TCF20: variants seen among roughly 807,000 people sequenced by gnomAD.
TCF20 encodes SPRE-binding protein.
A neutral mutation model predicts 148.6 loss-of-function variants in TCF20; 3 were observed. That is an observed-to-expected ratio of 0.02 (90% CI 0.01 to 0.05). TCF20 has a LOEUF of 0.05. Among genes scored for constraint, TCF20 ranks in the 10% least tolerant of loss-of-function variants. The pLI, the probability that TCF20 is intolerant of heterozygous loss-of-function variation, is 1.00. For missense variants in TCF20, 2,350 were observed against 2,429.3 expected (o/e 0.97, Z 0.69); for synonymous variants, 1,049 against 909.5 (o/e 1.15, Z -2.76).
intron 1 of TCF20, among the ~76,000 whole-genome samples, chr22:42,224,224 C>A (rs1463123030): frequency 6.6e-6 from 1 of 152,064 alleles, no homozygotes; most frequent in East Asian, 1.9e-4. Flanking sequence ...GTAATACCAG[C>A]ACTTTGGGAG....
chr22:42,230,249 A>G (rs1923278157), intron 1 of TCF20, among the ~76,000 whole-genome samples: 1 of 152,238 alleles, frequency 6.6e-6, no homozygotes, highest in Non-Finnish European at 1.5e-5. Flanking sequence ...GTCCCATCAG[A>G]GTACAATGGA....
intron 1 of TCF20, among the ~76,000 whole-genome samples, chr22:42,240,830 T>C (rs939928110): frequency 4.6e-5 from 7 of 152,044 alleles, no homozygotes; most frequent in Middle Eastern, 3.4e-3. Context: ...ACCATCTGGA[T>C]AGTCCATAAA....
chr22:42,204,643 G>C (rs926023594), intron 2 of TCF20, among the ~76,000 whole-genome samples: 1 of 152,116 alleles, frequency 6.6e-6, no homozygotes, highest in Admixed American at 6.5e-5. Flanking sequence ...TCAGGAGTTT[G>C]AGATCAGCCT....
At chr22:42,261,664 G>A (rs1265792546) in intron 1 of TCF20, among the ~76,000 whole-genome samples, 1 of 152,046 alleles carries the variant, frequency 6.6e-6, no homozygotes, top group Non-Finnish European at 1.5e-5. Context: ...ATGAGAAAAA[G>A]GCTAGGCTTG....
rs528664836 is a variant in TCF20, at chr22:42,219,355, CAAAAAAAAA to C, written c.-36-4023_-36-4015del. ...ACCCTGGGTGACAGTAACCCTGTCTCAAAAAAAAAAAAAAAAAAAAAAAAAAGCTAATAG... is the reference window on the plus strand; with the variant it reads ...ACCCTGGGTGACAGTAACCCTGTCTCAAAAAAAAAAAAAAAAAGCTAATAG... On this transcript the variant is annotated intron_variant, in intron 1 of 5. Transcript: ENST00000677622. Among the ~76,000 whole-genome samples the C allele has an allele frequency of 5.7e-3, 249 of 43,542 alleles. 7 individuals are homozygous for C. The South Asian group carries it at 0.091, about 16-fold the overall frequency. The allele number at this position is 43,542 out of a possible 152,430, so 28.6% of individuals were successfully genotyped here.
intron 1 of TCF20, among the ~76,000 whole-genome samples, chr22:42,283,436 C>T (rs539978770): frequency 3.3e-5 from 5 of 151,910 alleles, no homozygotes; most frequent in African/African-American, 1.2e-4. Flanking sequence ...GGGGCGGGCA[C>T]TCGGCCCCTG....
intron 1 of TCF20, among the ~76,000 whole-genome samples, chr22:42,243,292 CAAAAAA>C (rs3045578): frequency 1.5e-3 from 58 of 39,490 alleles, no homozygotes; most frequent in Admixed American, 4.9e-3. Context: ...GACACTGTCT[CAAAAAA>C]AAAAAAAAAA....
chr22:42,241,194 C>T (rs1924370093), intron 1 of TCF20, among the ~76,000 whole-genome samples: 1 of 152,138 alleles, frequency 6.6e-6, no homozygotes, highest in Non-Finnish European at 1.5e-5. Flanking sequence ...TTGGCTAGTG[C>T]CGTCAGTCAC....
intron 2 of TCF20, among the ~76,000 whole-genome samples, chr22:42,193,798 T>C (rs555087814): frequency 3.9e-5 from 6 of 152,270 alleles, no homozygotes; most frequent in African/African-American, 1.4e-4. Flanking sequence ...AAGGATAAAA[T>C]ATGACCTAAA....
In TCF20 at chr22:42,189,207, A is replaced by G. The variant is rs144898656; in HGVS notation, c.5656-9505T>C. The stretch of plus-strand genomic sequence containing the variant: ...GAAATGCATACAAGAGGCAGCATAG[A>G]CTTCGAAGGTAAAACCGACAGGACT... On this transcript the variant is annotated intron_variant, in intron 2 of 5. Transcript: ENST00000677622. Among the ~76,000 whole-genome samples the G allele has an allele frequency of 2.2e-3, 336 of 152,272 alleles. 1 individual carries two copies. Among genetic ancestry groups the G allele is most frequent in the African/African-American group, 7.2e-3 (299 of 41,558 alleles).
chr22:42,270,313 G>A (rs550113057), intron 1 of TCF20, among the ~76,000 whole-genome samples, 26 bp downstream of exon 1: 2 of 152,008 alleles, frequency 1.3e-5, no homozygotes, highest in Non-Finnish European at 2.9e-5. Context: ...CCCTCTCCCT[G>A]CCCCTCAGGC....
At position 42,250,773 on chromosome 22, in the gene TCF20, G is replaced by A. The variant is rs566069968; in HGVS notation, c.-37+19566C>T. On this transcript the variant is annotated intron_variant, in intron 1 of 5. Coordinates refer to ENST00000677622, the MANE Select transcript of TCF20 (RefSeq NM_001378418.1). ...CATTGCTATGAAGGAATACTTAAAA[G>A]AAAAGAGATTTAATTGGCTTACAGT... 2.0e-5 allele frequency among the ~76,000 whole-genome samples: 3 copies of A among 152,272 alleles called. No individual in the cohort carries two copies. The South Asian group carries it at 6.2e-4, about 32-fold the overall frequency.
chr22:42,272,959 C>G (rs1926675582), upstream of TCF20, among the ~76,000 whole-genome samples: 1 of 152,048 alleles, frequency 6.6e-6, no homozygotes, highest in Admixed American at 6.6e-5. Context: ...GCCAGGAGTT[C>G]AAGACCAACC....
At chr22:42,225,578 C>T (rs1922809406) in intron 1 of TCF20, among the ~76,000 whole-genome samples, 1 of 142,002 alleles carries the variant, frequency 7.0e-6, no homozygotes, top group East Asian at 2.1e-4. Flanking sequence ...TGCGCCACTG[C>T]AGTCCGCAGT....
Position 42,215,351 on chromosome 22 carries a change from GAAGA to G in TCF20, c.-36-14_-36-11del, listed in dbSNP as rs777320400. On this transcript the variant is annotated splice_polypyrimidine_tract_variant and intron_variant, in intron 1 of 5. Coordinates refer to ENST00000677622, the MANE Select transcript of TCF20 (RefSeq NM_001378418.1). ...CAGGCCAACAGCCCTCCTAGAAATA[GAAGA>G]AAGAAAAACATTAGACACGCATCTC... The G allele has an allele frequency of 3.9e-6, 6 of 1,553,300 alleles. No homozygotes were observed. The South Asian group carries it at 4.9e-5, about 13-fold the overall frequency.
intron 1 of TCF20, among the ~76,000 whole-genome samples, chr22:42,242,225 A>AAAAAG (rs1924494235): frequency 7.2e-6 from 1 of 139,564 alleles, no homozygotes; most frequent in African/African-American, 2.7e-5. Context: ...AAAAAAAAAA[A>AAAAAG]AACAGAAAAG....
chr22:42,339,322 T>C (rs890498368), intron 1 of TCF20, among the ~76,000 whole-genome samples: 5 of 152,216 alleles, frequency 3.3e-5, no homozygotes, highest in Admixed American at 6.5e-5. Context: ...GCCACACAGC[T>C]GGACAGATCT....
At chr22:42,275,752 G>C (rs1197300823) in intron 1 of TCF20, among the ~76,000 whole-genome samples, 1 of 152,180 alleles carries the variant, frequency 6.6e-6, no homozygotes, top group Non-Finnish European at 1.5e-5. Context: ...GCTGTGATTT[G>C]AACTCAGTCT....
At chr22:42,304,382 A>G (rs1484835979) in intron 1 of TCF20, among the ~76,000 whole-genome samples, 1 of 152,006 alleles carries the variant, frequency 6.6e-6, no homozygotes, top group East Asian at 1.9e-4. Flanking sequence ...GGATGCAGGA[A>G]GGGACTCCTG....
Sources: allele counts gnomAD v4.1 joint callset (sites outside exome capture counted in the v4.1 genomes callset), GRCh38; gene constraint gnomAD v4.1.1; transcripts MANE v1.5; gene names NCBI Gene and HGNC (gene_info 2026-07-23, HGNC 2026-07-21).